The following GTF2F2 variants were observed in gnomAD, a reference collection of about 807,000 sequenced individuals.
GTF2F2 encodes the protein ATP-dependent helicase GTF2F2.
Under a neutral mutation model 42.2 loss-of-function variants are expected in GTF2F2, and 23 were observed. The ratio of observed to expected loss-of-function variants is 0.55; its 90% CI spans 0.39 to 0.77. The LOEUF is 0.77. GTF2F2 is among the 30% of genes least tolerant of loss of function. GTF2F2 has a pLI of 0.00. For synonymous variants in GTF2F2, 105 were observed against 100.8 expected (o/e 1.04, Z -0.25); for missense variants, 261 against 287.2 (o/e 0.91, Z 0.66).
chr13:45,124,004 CA>C (rs1868831884), intron 1 of GTF2F2: 3 of 1,086,112 alleles, frequency 2.8e-6, no homozygotes, highest in Non-Finnish European at 4.1e-6. Flanking sequence ...GCTGGTGGTC[CA>C]GGGGTCTTAC....
At chr13:45,185,737 T>C (rs1176585825) in intron 4 of GTF2F2, among the ~76,000 whole-genome samples, 1 of 152,210 alleles carries the variant, frequency 6.6e-6, no homozygotes. Flanking sequence ...GATTGTTTTT[T>C]AAGAAAGAAA....
chr13:45,207,460 C>G lies in GTF2F2; in HGVS notation c.341C>G (p.Ala114Gly). 3 of 1,611,360 alleles carry G rather than the reference C, an allele frequency of 1.9e-6. No homozygotes were observed. The highest frequency in any genetic ancestry group is 1.7e-6 in the Non-Finnish European group (2 of 1,177,748). Residue 114 changes from alanine (A) to glycine (G), a missense_variant, in exon 5 of 8, where the codon GCT (alanine) becomes GGT (glycine). Coordinates refer to ENST00000340473, the MANE Select transcript of GTF2F2 (RefSeq NM_004128.3). ...LSLEGIVVQR[A>G]ECRPAASENY... ...TTGGAAGGAATAGTGGTACAAAGAG[C>G]TGAATGCCGACCAGCTGCCAGTGAA...
intron 5 of GTF2F2, among the ~76,000 whole-genome samples, chr13:45,214,213 T>C (rs958857850): frequency 3.3e-5 from 5 of 152,224 alleles, no homozygotes; most frequent in African/African-American, 1.2e-4. Flanking sequence ...CTCTCTGCTG[T>C]TAAATTTTGG....
intron 6 of GTF2F2, among the ~76,000 whole-genome samples, chr13:45,258,263 G>A (rs1004003094): frequency 3.9e-5 from 6 of 151,932 alleles, no homozygotes; most frequent in African/African-American, 1.2e-4. Flanking sequence ...TGTAATGTAG[G>A]GAGTTAGTTA....
chr13:45,146,250 C>T (rs889726202), intron 2 of GTF2F2, among the ~76,000 whole-genome samples: 1 of 152,118 alleles, frequency 6.6e-6, no homozygotes, highest in South Asian at 2.1e-4. Context: ...AATCTCAGCA[C>T]TTTGCGAGGC....
At chr13:45,213,439 C>T (rs1297770927) in intron 5 of GTF2F2, among the ~76,000 whole-genome samples, 1 of 152,098 alleles carries the variant, frequency 6.6e-6, no homozygotes, top group African/African-American at 2.4e-5. Context: ...TAAAACCAAC[C>T]CAGCATCACT....
chr13:45,278,039 T>C (rs1348394395), intron 7 of GTF2F2, among the ~76,000 whole-genome samples: 1 of 152,264 alleles, frequency 6.6e-6, no homozygotes, highest in African/African-American at 2.4e-5. Flanking sequence ...GATTTATTAT[T>C]ATGCTTATCA....
At chr13:45,128,023 C>T (rs1400404607) in intron 1 of GTF2F2, among the ~76,000 whole-genome samples, 10 of 131,956 alleles carry the variant, frequency 7.6e-5, no homozygotes, top group African/African-American at 2.0e-4. Context: ...TGCAGTGGCG[C>T]GATCTCGACT....
At chr13:45,261,958 C>A (rs1011878493) in intron 6 of GTF2F2, among the ~76,000 whole-genome samples, 7 of 152,140 alleles carry the variant, frequency 4.6e-5, no homozygotes, top group African/African-American at 1.7e-4. Context: ...TTATTAATAA[C>A]TTAATGGCCA....
At chr13:45,272,396 CTT>C in intron 7 of GTF2F2, among the ~76,000 whole-genome samples, 1 of 121,438 alleles carries the variant, frequency 8.2e-6, no homozygotes, top group Non-Finnish European at 1.7e-5. Flanking sequence ...TCCCTTTTAA[CTT>C]TTTATATGGT....
chr13:45,190,783 G>A (rs747094878), intron 4 of GTF2F2, among the ~76,000 whole-genome samples: 9 of 150,772 alleles, frequency 6.0e-5, no homozygotes, highest in African/African-American at 2.0e-4. Context: ...ACAGAATCTC[G>A]CTCTGTCACC....
rs991406455 is a variant in GTF2F2, at chr13:45,120,619, C to T, written c.-37C>T. On this transcript the variant is annotated 5_prime_UTR_variant, in exon 1 of 8. Transcript: ENST00000340473. ...CTCAGCCCTGCGGCTCCTGGGGTCG[C>T]TGCTGCATCCCGCACGCCTCCACCG... 1 of 1,517,242 alleles carries T rather than the reference C, an allele frequency of 6.6e-7. No individual in the cohort carries two copies. The highest frequency in any genetic ancestry group is 9.0e-7 in the Non-Finnish European group (1 of 1,116,244). 94.0% of individuals were successfully genotyped at this position (1,517,242 alleles called of 1,614,324 possible).
intron 4 of GTF2F2, among the ~76,000 whole-genome samples, chr13:45,191,224 A>AAAAAAAAAAAATATATATATAT: frequency 1.7e-4 from 13 of 75,338 alleles, no homozygotes; most frequent in African/African-American, 3.0e-4. Flanking sequence ...ACAAAAAAAA[A>AAAAAAAAAAAATATATATATAT]ATATATATAT....
chr13:45,215,145 G>A (rs764892246), intron 5 of GTF2F2, among the ~76,000 whole-genome samples: 2 of 152,200 alleles, frequency 1.3e-5, no homozygotes, highest in Non-Finnish European at 2.9e-5. Flanking sequence ...CTGGCATGAT[G>A]TTCAGAGGAA....
intron 5 of GTF2F2, among the ~76,000 whole-genome samples, chr13:45,251,305 G>C (rs961427277): frequency 6.6e-6 from 1 of 151,922 alleles, no homozygotes; most frequent in African/African-American, 2.4e-5. Flanking sequence ...AATTTAAAAT[G>C]GAAATTGTTT....
chr13:45,121,642 A>G (rs945576998), intron 1 of GTF2F2, among the ~76,000 whole-genome samples: 7 of 152,194 alleles, frequency 4.6e-5, no homozygotes, highest in Non-Finnish European at 8.8e-5. Context: ...CATATGTTCA[A>G]AGTTGGTTAC....
At chr13:45,272,685 C>T (rs1370615826) in intron 7 of GTF2F2, among the ~76,000 whole-genome samples, 1 of 149,762 alleles carries the variant, frequency 6.7e-6, no homozygotes, top group Non-Finnish European at 1.5e-5. Context: ...GTGGAGGTTG[C>T]AGTAAGCCAA....
chr13:45,220,615 G>A (rs957283198), intron 5 of GTF2F2, among the ~76,000 whole-genome samples: 8 of 152,144 alleles, frequency 5.3e-5, no homozygotes, highest in African/African-American at 1.9e-4. Context: ...AACAATAGCA[G>A]TGTTCTGGGA....
At chr13:45,172,698 T>TG (rs1871659037) in intron 4 of GTF2F2, among the ~76,000 whole-genome samples, 1 of 152,226 alleles carries the variant, frequency 6.6e-6, no homozygotes, top group Non-Finnish European at 1.5e-5. Flanking sequence ...CACTGTTTGT[T>TG]GAAAAGGCTA....
Sources: gnomAD v4.1 joint callset for allele counts (sites outside exome capture counted in the v4.1 genomes callset) on GRCh38, gnomAD v4.1.1 for gene constraint, MANE v1.5 for transcripts, NCBI Gene and HGNC (gene_info 2026-07-23, HGNC 2026-07-21) for gene names.